CFAP92: variants seen among roughly 807,000 people sequenced by gnomAD.
CFAP92 encodes the protein uncharacterized protein CFAP92.
A neutral mutation model predicts 106.3 loss-of-function variants in CFAP92; 86 were observed. The ratio of observed to expected loss-of-function variants is 0.81; its 90% CI spans 0.68 to 0.97. The LOEUF (loss-of-function observed/expected upper bound fraction) is 0.97, where lower values mean the gene tolerates loss of function less well. CFAP92 is among the 50% of genes least tolerant of loss of function. CFAP92 has a pLI of 0.00. For synonymous variants in CFAP92, 477 were observed against 506.4 expected (o/e 0.94, Z 0.78); for missense variants, 1,204 against 1,283.8 (o/e 0.94, Z 0.95).
chr3:128,935,077 G>A (rs558922927), intron 11 of CFAP92, 48 bp downstream of exon 11: 7 of 1,429,016 alleles, frequency 4.9e-6, no homozygotes, highest in Non-Finnish European at 6.5e-6. Context: ...GTTAAGAAGT[G>A]CCCCTCCCGC....
Position 129,000,381 on chromosome 3 carries a change from T to A in CFAP92, n.117+2193A>T, listed in dbSNP as rs554191957. ...GGACAACGTGCTGATTCTGGGATAC[T>A]GTGGCAGAGGAGACAGAATGCTATC... On this transcript the variant is annotated intron_variant and non_coding_transcript_variant, in intron 1 of 4. Coordinates refer to the CFAP92 transcript ENST00000510149. 2.0e-5 allele frequency among the ~76,000 whole-genome samples: 3 copies of A among 152,332 alleles called. No homozygotes were observed. In the South Asian group the frequency reaches 6.2e-4, roughly 32 times the overall value.
At chr3:128,943,920 GTTTT>G (rs768570835) in intron 10 of CFAP92, among the ~76,000 whole-genome samples, 5 of 110,134 alleles carry the variant, frequency 4.5e-5, no homozygotes, top group Admixed American at 9.5e-5. Flanking sequence ...TATTTCCCCC[GTTTT>G]TTTTTTTTTT....
intron 12 of CFAP92, among the ~76,000 whole-genome samples, chr3:128,917,278 G>A (rs1044689547): frequency 6.6e-6 from 1 of 152,158 alleles, no homozygotes; most frequent in Non-Finnish European, 1.5e-5. Flanking sequence ...GAGTTGATCT[G>A]AGTTTCTCAG....
chr3:128,946,095 T>C (rs888007335), intron 9 of CFAP92, 120 bp from the exon 10 acceptor site: 22 of 638,002 alleles, frequency 3.4e-5, no homozygotes, highest in Middle Eastern at 4.4e-4. Context: ...CCAAGTTTTC[T>C]CATCCACAAA....
chr3:128,985,202 T>G (rs949839567), intron 4 of CFAP92, among the ~76,000 whole-genome samples: 2 of 152,236 alleles, frequency 1.3e-5, no homozygotes, highest in Admixed American at 6.5e-5. Context: ...CTCACGCTTG[T>G]GATCCCAGCA....
At chr3:129,024,542 A>C in the CFAP92 span, among the ~76,000 whole-genome samples, 16 of 143,720 alleles carry the variant, frequency 1.1e-4, 1 homozygote, top group Admixed American at 4.8e-4. Context: ...AAAAAAAAGA[A>C]AAAAAAAAAG....
chr3:128,953,606 T>C (rs1182631586), intron 9 of CFAP92, among the ~76,000 whole-genome samples: 3,321 of 46,584 alleles, frequency 0.071, 241 homozygotes, highest in African/African-American at 0.2. Flanking sequence ...CCTCCCCCTC[T>C]CCCTCTCCCT....
chr3:128,940,730 T>C (rs1321502723), intron 10 of CFAP92, among the ~76,000 whole-genome samples: 1 of 152,190 alleles, frequency 6.6e-6, no homozygotes, highest in African/African-American at 2.4e-5. Flanking sequence ...ACTATCTTAA[T>C]GACTATAGTT....
chr3:128,980,489 C>G (rs1943462883), intron 4 of CFAP92, among the ~76,000 whole-genome samples: 1 of 151,840 alleles, frequency 6.6e-6, no homozygotes, highest in East Asian at 1.9e-4. Flanking sequence ...GTGCTGAGGG[C>G]TGGGTTCACC....
intron 12 of CFAP92, among the ~76,000 whole-genome samples, chr3:128,925,071 A>G (rs549296417): frequency 1.3e-5 from 2 of 152,282 alleles, no homozygotes; most frequent in East Asian, 3.9e-4. Context: ...GGGTCTGATC[A>G]CCCCAACATA....
rs368130030 is a variant in CFAP92 at position 128,910,053 on chromosome 3, G to C, written c.*246C>G. On this transcript the variant is annotated 3_prime_UTR_variant, in exon 16 of 16. Transcript: ENST00000645291. ...TGGAGGAGCAGCTGGTACTGAAGCGGGTGGCCAACATCCTCATCAACCTGT... is the reference window on the plus strand; with the variant it reads ...TGGAGGAGCAGCTGGTACTGAAGCGCGTGGCCAACATCCTCATCAACCTGT... The C allele has an allele frequency of 4.0e-5, 64 of 1,613,940 alleles. 1 individual carries two copies. The highest frequency in any genetic ancestry group is 1.2e-4 in the Admixed American group (7 of 59,998).
At chr3:128,925,455 G>A (rs909194082) in intron 12 of CFAP92, among the ~76,000 whole-genome samples, 1 of 152,040 alleles carries the variant, frequency 6.6e-6, no homozygotes, top group African/African-American at 2.4e-5. Context: ...TGGGGGTTGG[G>A]GACCCCTGCA....
At chr3:128,930,913 T>C (rs562611976) in intron 12 of CFAP92, among the ~76,000 whole-genome samples, 25 of 152,268 alleles carry the variant, frequency 1.6e-4, no homozygotes, top group Admixed American at 1.4e-3. Context: ...TTTGTTTGTT[T>C]GTTTTTTTGA....
At chr3:129,019,593 C>CT in the CFAP92 span, among the ~76,000 whole-genome samples, 2 of 152,080 alleles carry the variant, frequency 1.3e-5, no homozygotes, top group African/African-American at 2.4e-5. Flanking sequence ...AACTATTTAA[C>CT]TTTTAATATA....
At chr3:128,929,177 A>G (rs995135192) in intron 12 of CFAP92, among the ~76,000 whole-genome samples, 1 of 152,222 alleles carries the variant, frequency 6.6e-6, no homozygotes, top group Non-Finnish European at 1.5e-5. Flanking sequence ...AGCACATTAA[A>G]AGATATCTAG....
At position 129,001,726 on chromosome 3, in the gene CFAP92, C is replaced by T. The variant is rs574809471; in HGVS notation, n.117+848G>A. ...CGGCGCACGCAGTGGCTGCTGAGCG[C>T]CCTGGCGCACCACTACGGGCTGGAC... On this transcript the variant is annotated intron_variant and non_coding_transcript_variant, in intron 1 of 4. Coordinates refer to the CFAP92 transcript ENST00000510149. 207 of 1,523,310 alleles carry T rather than the reference C, an allele frequency of 1.4e-4. 2 individuals are homozygous for T. The African/African-American group carries it at 2.8e-3, about 21-fold the overall frequency. 94.4% of individuals were successfully genotyped at this position (1,523,310 alleles called of 1,614,324 possible). A position where few individuals can be genotyped will look rare whatever the true frequency, so the allele number is the denominator to read the frequency against.
chr3:128,915,147 G>A lies in CFAP92; in HGVS notation c.3252C>T (p.Leu1084=). ...TTACAGGCTTTGGTGCGGGCGAAGG[G>A]AGCAGCTCGAGGAAAGGTGGTGGTT... ...YKKPPPFLEL[L]PSPAPKPVTV... is the part of the protein sequence containing the mutation. The change falls in exon 15 of 16, where the codon CTC becomes CTT. Residue 1084 remains leucine, a synonymous_variant. Transcript: ENST00000645291. 6.5e-7 allele frequency: 1 copy of A among 1,536,106 alleles called. No individual in the cohort carries two copies. The highest frequency in any genetic ancestry group is 8.7e-7 in the Non-Finnish European group (1 of 1,146,926).
chr3:128,990,995 T>C (rs1290183216), intron 2 of CFAP92, among the ~76,000 whole-genome samples: 1 of 152,222 alleles, frequency 6.6e-6, no homozygotes, highest in Non-Finnish European at 1.5e-5. Context: ...TAGAATTTTA[T>C]GTAGAGCCGA....
In CFAP92 at chr3:128,945,754, G is replaced by T. The variant is rs752356159; in HGVS notation, c.1575C>A (p.Pro525=). 6.5e-7 allele frequency: 1 copy of T among 1,535,286 alleles called. No individual in the cohort carries two copies. Among genetic ancestry groups the T allele is most frequent in the East Asian group, 2.4e-5 (1 of 40,918 alleles). Residue 525 remains proline (P), a synonymous_variant, in exon 10 of 16, where the codon CCC becomes CCA. Transcript: ENST00000645291. ...CCAGAGGGTCCTCCCCAAACAGCAC[G>T]GGCTTCTGAGAACACTCCTCTGACT... ...DRKSEECSQK[P]VLFGEDPLDS... is the part of the protein sequence containing the mutation.
Sources: allele counts gnomAD v4.1 joint callset (sites outside exome capture counted in the v4.1 genomes callset), GRCh38; gene constraint gnomAD v4.1.1; transcripts MANE v1.5; gene names NCBI Gene and HGNC (gene_info 2026-07-23, HGNC 2026-07-21).